The following PDLIM5 variants were observed in gnomAD, a reference collection of about 807,000 sequenced individuals.
The protein encoded by PDLIM5 is PDZ and LIM domain protein 5.
PDLIM5 carries 34 observed loss-of-function variants against 64.2 expected under a neutral mutation model. That is an observed-to-expected ratio of 0.53 (90% CI 0.40 to 0.71). PDLIM5 has a LOEUF of 0.71. PDLIM5 is among the 30% of genes least tolerant of loss of function. PDLIM5 has a pLI of 0.00. For synonymous variants in PDLIM5, 253 were observed against 269.1 expected, an observed-to-expected ratio of 0.94 and a Z score of 0.59; for missense variants, 683 against 733.6, an observed-to-expected ratio of 0.93 and a Z score of 0.80.
intron 3 of PDLIM5, among the ~76,000 whole-genome samples, chr4:94,563,114 C>T (rs995234931): frequency 2.0e-5 from 3 of 152,134 alleles, no homozygotes; most frequent in Admixed American, 6.5e-5. Context: ...TGAGATAAAT[C>T]ACAAATAATA....
chr4:94,496,521 AGTCTGTT>A (rs1727412839), intron 2 of PDLIM5, among the ~76,000 whole-genome samples: 1 of 152,180 alleles, frequency 6.6e-6, no homozygotes, highest in Admixed American at 6.5e-5. Context: ...ACACAGTCTC[AGTCTGTT>A]GCCCAGGCTA....
chr4:94,514,147 T>C (rs946601105), intron 2 of PDLIM5, among the ~76,000 whole-genome samples: 5 of 150,280 alleles, frequency 3.3e-5, no homozygotes, highest in African/African-American at 1.2e-4. Flanking sequence ...TTTTTTTTTT[T>C]TTTTTGAGAC....
chr4:94,555,262 G>A (rs1578365537), intron 3 of PDLIM5, among the ~76,000 whole-genome samples: 3 of 152,098 alleles, frequency 2.0e-5, no homozygotes, highest in Admixed American at 6.5e-5. Flanking sequence ...CCGCCATGTT[G>A]GCCAGGAGTC....
chr4:94,583,150 T>C (rs1214221279), intron 5 of PDLIM5, among the ~76,000 whole-genome samples: 4 of 152,244 alleles, frequency 2.6e-5, no homozygotes, highest in South Asian at 2.1e-4. Context: ...AATTTTTCTT[T>C]TCTTTCATCA....
chr4:94,472,610 G>A (rs1402288263), intron 2 of PDLIM5, among the ~76,000 whole-genome samples: 1 of 152,090 alleles, frequency 6.6e-6, no homozygotes, highest in East Asian at 1.9e-4. Context: ...GCTGCCTGTG[G>A]GTAGAGGTCA....
At chr4:94,533,680 G>C (rs1019990420) in intron 3 of PDLIM5, among the ~76,000 whole-genome samples, 1 of 152,200 alleles carries the variant, frequency 6.6e-6, no homozygotes, top group Non-Finnish European at 1.5e-5. Context: ...AATAGCCTAT[G>C]TAAAGAACCT....
Position 94,667,281 on chromosome 4 carries a change from A to T in PDLIM5, c.*3214A>T, listed in dbSNP as rs1743122534. ...CTGCTGAAGTAGCAACCTAAAAAGT[A>T]TCCCCTGCTTATGCTTGTCCAGTTG... On this transcript the variant is annotated 3_prime_UTR_variant, in exon 13 of 13. Transcript: ENST00000317968. The T allele has an allele frequency of 6.6e-6, 1 of 152,222 alleles. No individual in the cohort carries two copies. Among genetic ancestry groups the T allele is most frequent in the Non-Finnish European group, 1.5e-5 (1 of 68,048 alleles). 9.4% of individuals were successfully genotyped at this position (152,222 alleles called of 1,614,324 possible). A position where few individuals can be genotyped will look rare whatever the true frequency, so the allele number is the denominator to read the frequency against.
At chr4:94,503,550 G>A (rs1276810433) in intron 2 of PDLIM5, among the ~76,000 whole-genome samples, 1 of 152,192 alleles carries the variant, frequency 6.6e-6, no homozygotes, top group Admixed American at 6.5e-5. Context: ...CAGTTCATGT[G>A]TGAATTTATT....
intron 7 of PDLIM5, among the ~76,000 whole-genome samples, chr4:94,609,064 A>G (rs748403771): frequency 9.9e-5 from 15 of 152,188 alleles, no homozygotes; most frequent in Non-Finnish European, 2.1e-4. Flanking sequence ...TTGTAAAGTT[A>G]TAGCCTGTGG....
chr4:94,559,342 A>G (rs975739436), intron 3 of PDLIM5, among the ~76,000 whole-genome samples: 2 of 152,196 alleles, frequency 1.3e-5, no homozygotes, highest in African/African-American at 4.8e-5. Context: ...TCTGTTGCCA[A>G]ACATTTCTTC....
At chr4:94,522,785 A>G (rs746221057) in intron 2 of PDLIM5, among the ~76,000 whole-genome samples, 1 of 152,212 alleles carries the variant, frequency 6.6e-6, no homozygotes, top group Non-Finnish European at 1.5e-5. Flanking sequence ...CAAGTACTAG[A>G]GAAATACTGG....
intron 3 of PDLIM5, among the ~76,000 whole-genome samples, chr4:94,525,638 TG>T (rs918840066): frequency 4.6e-5 from 7 of 152,218 alleles, no homozygotes; most frequent in African/African-American, 1.7e-4. Context: ...AGTATCAATT[TG>T]GTATTAAAAC....
chr4:94,494,429 C>CTTTTTTTTTTTTTTTTTTTTT (rs1261064734), intron 2 of PDLIM5, among the ~76,000 whole-genome samples: 7 of 51,598 alleles, frequency 1.4e-4, no homozygotes, highest in African/African-American at 3.4e-4. Flanking sequence ...TTTTTTTTTT[C>CTTTTTTTTTTTTTTTTTTTTT]TTGTTTTTTT....
chr4:94,575,619 G>A lies in PDLIM5; in HGVS notation c.295G>A (p.Glu99Lys), dbSNP rs1735175729. Residue 99 changes from glutamate to lysine, a missense_variant, in exon 5 of 13, where the codon GAA becomes AAA. Glu to Lys is a moderately conservative substitution (Grantham distance 56, BLOSUM62 1). Coordinates refer to ENST00000317968, the MANE Select transcript of PDLIM5 (RefSeq NM_006457.5). ...KPEPVPVQKG[E>K]PKEVVKPVPI... ...TGTTTATTTTTGTTTTACATAGGGA[G>A]AACCTAAAGAAGTAGTTAAACCTGT... 3 of 1,551,428 alleles carry A rather than the reference G, an allele frequency of 1.9e-6. No individual in the cohort carries two copies. The highest frequency in any genetic ancestry group is 1.2e-5 in the South Asian group (1 of 82,512).
intron 5 of PDLIM5, chr4:94,582,855 A>G (rs1053055527): frequency 2.9e-6 from 2 of 678,914 alleles, no homozygotes; most frequent in Non-Finnish European, 5.1e-6. Flanking sequence ...AAAAATGTTA[A>G]GGAGCATAAG....
At chr4:94,604,204 AGAG>A (rs2110357469) in intron 7 of PDLIM5, among the ~76,000 whole-genome samples, 1 of 152,356 alleles carries the variant, frequency 6.6e-6, no homozygotes, top group African/African-American at 2.4e-5. Flanking sequence ...TGACAGGAAA[AGAG>A]AAGCAGTAGT....
At chr4:94,643,789 T>C (rs1741190248) in intron 9 of PDLIM5, among the ~76,000 whole-genome samples, 1 of 152,220 alleles carries the variant, frequency 6.6e-6, no homozygotes, top group Non-Finnish European at 1.5e-5. Context: ...TGTTTTTTGC[T>C]CAGTGATTTT....
intron 7 of PDLIM5, among the ~76,000 whole-genome samples, chr4:94,607,633 A>G (rs1166020407): frequency 3.9e-5 from 6 of 152,316 alleles, no homozygotes; most frequent in Non-Finnish European, 7.4e-5. Flanking sequence ...CTGTCTCACA[A>G]TGTTCTGGAA....
intron 10 of PDLIM5, among the ~76,000 whole-genome samples, chr4:94,657,181 A>G (rs1192288863): frequency 6.6e-6 from 1 of 152,184 alleles, no homozygotes; most frequent in Non-Finnish European, 1.5e-5. Flanking sequence ...CATAGTGATC[A>G]TTCTTTAAGT....
Sources: allele counts gnomAD v4.1 joint callset (sites outside exome capture counted in the v4.1 genomes callset), GRCh38; gene constraint gnomAD v4.1.1; transcripts MANE v1.5; gene names NCBI Gene and HGNC (gene_info 2026-07-23, HGNC 2026-07-21).